The following FANK1 variants were observed in gnomAD, a reference collection of about 807,000 sequenced individuals.
FANK1 encodes fibronectin type 3 and ankyrin repeat domains protein 1.
In FANK1, 44 loss-of-function variants were observed where a neutral mutation model predicts 45.3. The observed-to-expected ratio is 0.97, with a 90% CI of 0.76 to 1.25. The LOEUF (loss-of-function observed/expected upper bound fraction) is 1.25. FANK1 is among the 50% of genes most tolerant of loss of function. The pLI is 0.00. For synonymous variants in FANK1, 149 were observed against 152.5 expected (o/e 0.98, Z 0.17); for missense variants, 391 against 424.4 (o/e 0.92, Z 0.69).
chr10:125,941,383 A>G (rs993286970), intron 1 of FANK1, among the ~76,000 whole-genome samples: 1 of 152,238 alleles, frequency 6.6e-6, no homozygotes, highest in African/African-American at 2.4e-5. Flanking sequence ...ACGATTTTGC[A>G]TCTACAGGAC....
At position 126,009,050 on chromosome 10, in the gene FANK1, C is replaced by A; in HGVS notation, c.850-4C>A. On this transcript the variant is annotated splice_polypyrimidine_tract_variant and splice_region_variant and intron_variant, in intron 8 of 10. Coordinates refer to ENST00000368693, the MANE Select transcript of FANK1 (RefSeq NM_145235.5). ...TGCACACCACCCTGGGTTTTGTTTT[C>A]TAGGTGGCTGTGTTAAATAATCATG... 1 of 1,613,896 alleles carries A rather than the reference C, an allele frequency of 6.2e-7. No individual in the cohort carries two copies. The highest frequency in any genetic ancestry group is 8.5e-7 in the Non-Finnish European group (1 of 1,179,978).
chr10:125,908,091 G>A (rs1438107322), intron 1 of FANK1, among the ~76,000 whole-genome samples: 2 of 151,430 alleles, frequency 1.3e-5, no homozygotes, highest in Admixed American at 6.6e-5. Flanking sequence ...CTGCCTCCTG[G>A]GTTCAAGCAA....
chr10:125,909,238 T>C (rs1443341835), intron 1 of FANK1, among the ~76,000 whole-genome samples: 1 of 152,182 alleles, frequency 6.6e-6, no homozygotes, highest in Non-Finnish European at 1.5e-5. Flanking sequence ...ATAACACAGG[T>C]CAGCCACATT....
chr10:125,985,047 A>T (rs1236568728), intron 2 of FANK1, among the ~76,000 whole-genome samples: 2 of 152,222 alleles, frequency 1.3e-5, no homozygotes, highest in East Asian at 3.9e-4. Context: ...GTGATGCAAG[A>T]ATCTTCAGCC....
intron 1 of FANK1, among the ~76,000 whole-genome samples, chr10:125,928,372 G>A (rs1003942366): frequency 1.9e-4 from 29 of 151,434 alleles, no homozygotes; most frequent in African/African-American, 6.1e-4. Context: ...GAAGACCAGC[G>A]GTCACTCTTG....
intron 1 of FANK1, among the ~76,000 whole-genome samples, chr10:125,952,843 ACACACACACACACACACT>A (rs1443061804): frequency 5.1e-5 from 7 of 137,516 alleles, no homozygotes; most frequent in Admixed American, 2.9e-4. Flanking sequence ...ACACACACAC[ACACACACACACACACACT>A]GTTCTTACGT....
At chr10:125,942,030 T>G (rs1331140977) in intron 1 of FANK1, among the ~76,000 whole-genome samples, 2 of 152,200 alleles carry the variant, frequency 1.3e-5, no homozygotes, top group Non-Finnish European at 2.9e-5. Context: ...AGCATGTGCC[T>G]TTTACATTTT....
chr10:125,902,599 G>T (rs79200290), intron 1 of FANK1, among the ~76,000 whole-genome samples: 3 of 150,872 alleles, frequency 2.0e-5, no homozygotes, highest in Non-Finnish European at 3.0e-5. Context: ...ATGTTAGGTC[G>T]ATTACAAATA....
chr10:125,955,365 G>C (rs543052674), intron 1 of FANK1, among the ~76,000 whole-genome samples: 1 of 152,154 alleles, frequency 6.6e-6, no homozygotes, highest in African/African-American at 2.4e-5. Context: ...TTGGTTTTCT[G>C]TTCCTCCATT....
chr10:125,970,134 G>T (rs1457632103), intron 1 of FANK1, among the ~76,000 whole-genome samples: 2 of 152,210 alleles, frequency 1.3e-5, no homozygotes, highest in East Asian at 3.9e-4. Flanking sequence ...TCAATGAGCT[G>T]TTGGGTACAC....
In FANK1 at chr10:125,978,087, G is replaced by A. The variant is rs941632214; in HGVS notation, c.14-2074G>A. Among the ~76,000 whole-genome samples the A allele has an allele frequency of 3.3e-5, 5 of 152,030 alleles. No homozygotes were observed. The South Asian group carries it at 1.0e-3, about 31-fold the overall frequency. ...GCCCACTTTTCCATAGGGCTGCTGT[G>A]GTATGCTTGGGGCCTGCTCCAGTCC... On this transcript the variant is annotated intron_variant, in intron 1 of 10. Coordinates refer to ENST00000368693, the MANE Select transcript of FANK1 (RefSeq NM_145235.5).
chr10:125,948,699 A>C (rs1281461891), intron 1 of FANK1, among the ~76,000 whole-genome samples: 2 of 152,212 alleles, frequency 1.3e-5, no homozygotes, highest in African/African-American at 2.4e-5. Flanking sequence ...GAGGAACTGA[A>C]CTGGTACCAT....
intron 6 of FANK1, 52 bp downstream of exon 6, chr10:125,997,537 G>A (rs1283147930): frequency 6.4e-7 from 1 of 1,558,292 alleles, no homozygotes; most frequent in Non-Finnish European, 8.8e-7. Context: ...GAATTGTGTT[G>A]CTAGGCTTGT....
At chr10:125,940,997 G>A (rs531684674) in intron 1 of FANK1, among the ~76,000 whole-genome samples, 2 of 152,290 alleles carry the variant, frequency 1.3e-5, no homozygotes, top group South Asian at 4.1e-4. Context: ...ATTGTTCAGG[G>A]TACAGATCAA....
At chr10:125,987,140 G>GC (rs147789666) in intron 2 of FANK1, among the ~76,000 whole-genome samples, 2,526 of 152,068 alleles carry the variant, frequency 0.017, 75 homozygotes, top group African/African-American at 0.055. Context: ...CCCTTTTCTT[G>GC]GACCCCATCA....
intron 1 of FANK1, among the ~76,000 whole-genome samples, chr10:125,957,145 G>A (rs1458983843): frequency 2.0e-5 from 3 of 152,038 alleles, no homozygotes; most frequent in South Asian, 2.1e-4. Context: ...GTGAGCCACC[G>A]CACCTGGCTT....
chr10:125,966,332 C>T (rs1466757903), intron 1 of FANK1, among the ~76,000 whole-genome samples: 5 of 152,088 alleles, frequency 3.3e-5, no homozygotes, highest in Non-Finnish European at 5.9e-5. Context: ...GCCAGACTTG[C>T]CTCTTTATCC....
In FANK1 at chr10:125,996,625, G is replaced by C; in HGVS notation, c.473+1G>C. ...TTGCTGCCCAGAAAGGATACACCAG[G>C]TATGGCTCTTCTTTTTTTTAAATCT... On this transcript the variant is annotated splice_donor_variant, in intron 5 of 10. Coordinates refer to ENST00000368693, the MANE Select transcript of FANK1 (RefSeq NM_145235.5). LOFTEE classifies it high-confidence loss of function. 6.2e-7 allele frequency: 1 copy of C among 1,612,888 alleles called. No homozygotes were observed. The highest frequency in any genetic ancestry group is 8.5e-7 in the Non-Finnish European group (1 of 1,179,608).
chr10:126,008,372 T>C, intron 7 of FANK1, 35 bp from the exon 8 acceptor site: 2 of 1,536,992 alleles, frequency 1.3e-6, no homozygotes, highest in Non-Finnish European at 1.7e-6. Context: ...GAAAAAGAAA[T>C]TGGGCTCAAC....
Sources: gnomAD v4.1 joint callset for allele counts (sites outside exome capture counted in the v4.1 genomes callset) on GRCh38, gnomAD v4.1.1 for gene constraint, MANE v1.5 for transcripts, NCBI Gene and HGNC (gene_info 2026-07-23, HGNC 2026-07-21) for gene names.